ZC3H13: variants seen among roughly 807,000 people sequenced by gnomAD.
The protein encoded by ZC3H13 is zinc finger CCCH domain-containing protein 13.
ZC3H13 carries 64 observed loss-of-function variants against 204.1 expected under a neutral mutation model. The ratio of observed to expected loss-of-function variants is 0.31; its 90% CI spans 0.26 to 0.39. ZC3H13 has a LOEUF of 0.39. ZC3H13 is among the 10% of genes least tolerant of loss of function. The pLI, the probability that ZC3H13 is intolerant of heterozygous loss-of-function variation, is 1.00. For synonymous variants in ZC3H13, 667 were observed against 693.7 expected, an observed-to-expected ratio of 0.96 and a Z score of 0.60; for missense variants, 1,833 against 2,082.7, an observed-to-expected ratio of 0.88 and a Z score of 2.33.
chr13:46,044,151 C>A (rs1288162830), intron 3 of ZC3H13, among the ~76,000 whole-genome samples: 3 of 149,534 alleles, frequency 2.0e-5, no homozygotes, highest in African/African-American at 7.4e-5. Flanking sequence ...CCATACACTA[C>A]CCCCAAAAAA....
intron 4 of ZC3H13, among the ~76,000 whole-genome samples, chr13:46,036,473 G>C (rs1275052998): frequency 2.0e-5 from 3 of 151,940 alleles, no homozygotes; most frequent in African/African-American, 7.3e-5. Flanking sequence ...GGTTGGGGTG[G>C]GGTAGGAAAC....
Position 46,042,175 on chromosome 13 carries a change from A to G in ZC3H13, c.328T>C (p.Ser110Pro). Residue 110 changes from serine to proline, a missense_variant, in exon 4 of 19, where the codon TCA (serine) becomes CCA (proline). Ser to Pro is a moderately conservative substitution (Grantham distance 74). Around this residue, in one of 5 missense-constraint regions of ZC3H13, gnomAD observed 1,574 missense variants for 1,757.2 expected, o/e 0.90. Coordinates refer to ENST00000679008, the MANE Select transcript of ZC3H13 (RefSeq NM_001330564.2). ...AAATTCAATCCTACCCTAACAGGTG[A>G]GGATGACTCCTCTGTATTTCGTTTC... ...PQKRNTEESS[S>P]PVRKESSRGR... 1.9e-6 allele frequency: 3 copies of G among 1,613,042 alleles called. No homozygotes were observed.
At chr13:45,962,247 C>CA (rs34818778) in intron 17 of ZC3H13, 1 of 985,238 alleles carries the variant, frequency 1.0e-6, no homozygotes, top group African/African-American at 1.7e-5. Context: ...ACCATAGCAG[C>CA]AAAAATAGAA....
At chr13:45,966,970 G>C (rs1952143923) in intron 15 of ZC3H13, among the ~76,000 whole-genome samples, 1 of 152,194 alleles carries the variant, frequency 6.6e-6, no homozygotes, top group Admixed American at 6.5e-5. Context: ...GTTTCACATA[G>C]CTGAGGCTGG....
intron 15 of ZC3H13, among the ~76,000 whole-genome samples, chr13:45,966,628 AATTCAATTAT>A (rs1952110123): frequency 6.6e-6 from 1 of 152,212 alleles, no homozygotes; most frequent in Non-Finnish European, 1.5e-5. Flanking sequence ...TATAATGATT[AATTCAATTAT>A]ATTCAATTAT....
chr13:45,978,095 T>C (rs1953220403), intron 11 of ZC3H13, among the ~76,000 whole-genome samples: 1 of 152,140 alleles, frequency 6.6e-6, no homozygotes, highest in African/African-American at 2.4e-5. Flanking sequence ...CCTTTTATTC[T>C]TCAGGCCCTA....
At chr13:45,967,137 T>C (rs914728976) in intron 15 of ZC3H13, among the ~76,000 whole-genome samples, 14 of 152,224 alleles carry the variant, frequency 9.2e-5, no homozygotes, top group Non-Finnish European at 1.5e-4. Flanking sequence ...TAATAATTAT[T>C]TGAATCCCTC....
At chr13:46,005,998 G>C (rs891302062) in intron 7 of ZC3H13, among the ~76,000 whole-genome samples, 1 of 151,898 alleles carries the variant, frequency 6.6e-6, no homozygotes, top group Non-Finnish European at 1.5e-5. Context: ...AGGAGGCTGA[G>C]GCAGAAGAAC....
At chr13:45,977,231 T>C (rs1953130518) in intron 11 of ZC3H13, among the ~76,000 whole-genome samples, 1 of 152,156 alleles carries the variant, frequency 6.6e-6, no homozygotes, top group African/African-American at 2.4e-5. Context: ...GAATGCTATC[T>C]ACCCATCTTT....
In ZC3H13 at chr13:45,985,651, G is replaced by A. The variant is rs200769475; in HGVS notation, c.1366C>T (p.Arg456Trp). ...GTATCTCTGGCATCTCTCCGATCCC[G>A]ACCATCTCGAGGTTCTCTGTCATCT... is the stretch of plus-strand genomic sequence containing the variant. Reference protein sequence around the residue: ...HRDDREPRDGRDRRDARDTRD... With the variant: ...HRDDREPRDGWDRRDARDTRD... The change falls in exon 10 of 19, where the codon CGG (arginine) becomes TGG (tryptophan). Residue 456 changes from arginine to tryptophan, a missense_variant. Coordinates refer to ENST00000679008, the MANE Select transcript of ZC3H13 (RefSeq NM_001330564.2). The A allele has an allele frequency of 1.4e-5, 23 of 1,613,556 alleles. No individual in the cohort carries two copies. In the East Asian group the frequency reaches 1.6e-4, roughly 11 times the overall value.
intron 4 of ZC3H13, among the ~76,000 whole-genome samples, chr13:46,027,880 C>CA (rs1422373586): frequency 2.0e-5 from 3 of 151,858 alleles, no homozygotes; most frequent in African/African-American, 7.3e-5. Context: ...AATTTTAAAC[C>CA]AAAAAAGGCA....
intron 1 of ZC3H13, among the ~76,000 whole-genome samples, chr13:46,048,606 CTT>C (rs1238092894): frequency 4.5e-5 from 4 of 89,122 alleles, no homozygotes; most frequent in African/African-American, 1.7e-4. Flanking sequence ...AAAAAAAAAA[CTT>C]TGAAGATTTC....
Position 45,969,696 on chromosome 13 carries a change from C to G in ZC3H13, c.2848G>C (p.Asp950His). The G allele has an allele frequency of 6.2e-7, 1 of 1,613,370 alleles. No homozygotes were observed. The highest frequency in any genetic ancestry group is 1.3e-5 in the African/African-American group (1 of 74,938). ...TTCTTGTTTTCATCATGAGCTCGAT[C>G]AGATGTCTCTCGATCTTCAGACTGG... ...HHQSEDRETS[D>H]RAHDENKKKA... Residue 950 changes from aspartate to histidine, a missense_variant, in exon 14 of 19, where the codon GAT becomes CAT. Transcript: ENST00000679008.
At chr13:46,046,392 C>T (rs1474751712) in intron 1 of ZC3H13, among the ~76,000 whole-genome samples, 1 of 151,624 alleles carries the variant, frequency 6.6e-6, no homozygotes, top group Non-Finnish European at 1.5e-5. Context: ...GGCACAGTGG[C>T]TCGTGCCTGT....
At position 45,986,156 on chromosome 13, in the gene ZC3H13, C is replaced by T. The variant is rs193211182; in HGVS notation, c.1256-395G>A. 6.6e-5 allele frequency among the ~76,000 whole-genome samples: 10 copies of T among 152,316 alleles called. No homozygotes were observed. The East Asian group carries it at 1.7e-3, about 26-fold the overall frequency. ...TAGGCTAAACTAGACCATCTGTGACCTCCTCAAATGTACTTAAGCACTTTA... is the reference window on the plus strand; with the variant it reads ...TAGGCTAAACTAGACCATCTGTGACTTCCTCAAATGTACTTAAGCACTTTA... On this transcript the variant is annotated intron_variant, in intron 9 of 18. Transcript: ENST00000679008.
chr13:46,049,763 T>G (rs961153431), intron 1 of ZC3H13, among the ~76,000 whole-genome samples: 1 of 152,160 alleles, frequency 6.6e-6, no homozygotes, highest in Non-Finnish European at 1.5e-5. Flanking sequence ...AAATTATGTA[T>G]GAACAGGCTG....
At chr13:46,010,158 AC>A (rs2041444535) in intron 7 of ZC3H13, 189 bp downstream of exon 7, 2 of 461,322 alleles carry the variant, frequency 4.3e-6, no homozygotes, top group Non-Finnish European at 7.1e-6. Flanking sequence ...TGTGGATGTT[AC>A]ACAGATGTTT....
rs1049374213 is a variant in ZC3H13 at position 45,988,804 on chromosome 13, C to T, written c.1238G>A (p.Arg413His). 4.3e-6 allele frequency: 7 copies of T among 1,612,430 alleles called. No homozygotes were observed. The highest frequency in any genetic ancestry group is 1.1e-5 in the South Asian group (1 of 91,028). ...GTACACACCTTCCCTCCTTTCATGGCGTCGATCATGAGACTGTGAAGTTCG... is the reference window on the plus strand; with the variant it reads ...GTACACACCTTCCCTCCTTTCATGGTGTCGATCATGAGACTGTGAAGTTCG... The part of the protein sequence containing the change: ...HERTSQSHDR[R>H]HERREDTRGK... The change falls in exon 9 of 19, where the codon CGC (arginine) becomes CAC (histidine). Residue 413 changes from arginine to histidine, a missense_variant. Physicochemically the swap from Arg to His is conservative, Grantham distance 29. Transcript: ENST00000679008.
chr13:46,049,959 G>C lies in ZC3H13; in HGVS notation c.-10+2445C>G, dbSNP rs532431922. Among the ~76,000 whole-genome samples, 7 of 152,082 alleles carry C rather than the reference G, an allele frequency of 4.6e-5. 1 individual carries two copies. In the South Asian group the frequency reaches 1.2e-3, roughly 27 times the overall value. ...TTCAAATTATTATTTGGTTTAAGTTGCCATCACACTTCCACCCACATCATC... is the reference window on the plus strand; with the variant it reads ...TTCAAATTATTATTTGGTTTAAGTTCCCATCACACTTCCACCCACATCATC... On this transcript the variant is annotated intron_variant, in intron 1 of 18. Coordinates refer to ENST00000679008, the MANE Select transcript of ZC3H13 (RefSeq NM_001330564.2).
Sources: gnomAD v4.1 joint callset for allele counts (sites outside exome capture counted in the v4.1 genomes callset) on GRCh38, gnomAD v4.1.1 for gene constraint, gnomAD v4.1.1 regional missense constraint, MANE v1.5 for transcripts, NCBI Gene and HGNC (gene_info 2026-07-23, HGNC 2026-07-21) for gene names.